Variants in CHD2 observed in about 807,000 individuals in gnomAD.
CHD2 encodes ATP-dependent chromatin remodeler CHD2.
Under a neutral mutation model 243.9 loss-of-function variants are expected in CHD2, and 28 were observed. The ratio of observed to expected loss-of-function variants is 0.11; its 90% CI spans 0.09 to 0.16. The LOEUF (loss-of-function observed/expected upper bound fraction) is 0.16. Ranked by LOEUF, CHD2 falls within the 10% of genes least tolerant of loss-of-function variation. The probability of loss-of-function intolerance (pLI) is 1.00; values close to 1 mark genes in which losing one functional copy is unlikely to be tolerated. For missense variants in CHD2, 1,386 were observed against 2,209.8 expected, an observed-to-expected ratio of 0.63 and a Z score of 7.47; for synonymous variants, 775 against 779.0, an observed-to-expected ratio of 0.99 and a Z score of 0.09.
chr15:92,923,657 C>G (rs1424893856), intron 2 of CHD2, among the ~76,000 whole-genome samples: 1 of 151,380 alleles, frequency 6.6e-6, no homozygotes, highest in Non-Finnish European at 1.5e-5. Flanking sequence ...CCTTTGCCTC[C>G]CAGGTTCAAG....
At chr15:92,900,965 G>A in intron 1 of CHD2, 141 bp downstream of exon 1, 1 of 461,238 alleles carries the variant, frequency 2.2e-6, no homozygotes, top group Non-Finnish European at 3.8e-6. Flanking sequence ...CTTTGAGAAA[G>A]TTTCCTTATT....
chr15:92,974,925 A>G lies in CHD2; in HGVS notation c.2552A>G (p.Asp851Gly), dbSNP rs1432796326. The change falls in exon 20 of 39, where the codon GAC (aspartate) becomes GGC (glycine). Residue 851 changes from aspartate (D) to glycine (G), a missense_variant. Physicochemically the swap from Asp to Gly is moderately conservative, Grantham distance 94 (BLOSUM62 -1). Around this residue, in one of 19 missense-constraint regions of CHD2, gnomAD observed 118 missense variants for 266.3 expected, o/e 0.44. Coordinates refer to ENST00000394196, the MANE Select transcript of CHD2 (RefSeq NM_001271.4). ...GGAGAAATCCGAAAACAGGCACTGG[A>G]CCACTTCAATGCAGATGGGTCTGAG... The part of the protein sequence containing the change: ...IKGEIRKQAL[D>G]HFNADGSEDF... The G allele has an allele frequency of 1.2e-6, 2 of 1,613,776 alleles. No homozygotes were observed. The highest frequency in any genetic ancestry group is 1.7e-6 in the Non-Finnish European group (2 of 1,179,706).
chr15:92,908,067 T>C (rs923111221), intron 2 of CHD2, among the ~76,000 whole-genome samples: 2 of 147,794 alleles, frequency 1.4e-5, no homozygotes, highest in African/African-American at 5.0e-5. Flanking sequence ...TGACTCTTCC[T>C]GGACTACAAC....
intron 16 of CHD2, among the ~76,000 whole-genome samples, chr15:92,963,259 T>G (rs1488066648): frequency 6.6e-6 from 1 of 152,232 alleles, no homozygotes; most frequent in African/African-American, 2.4e-5. Context: ...TTCCACTTTC[T>G]CCTTTATTGC....
chr15:93,024,445 C>G lies in CHD2; in HGVS notation c.5227C>G (p.Arg1743Gly). 2.5e-6 allele frequency: 4 copies of G among 1,614,198 alleles called. No homozygotes were observed. The highest frequency in any genetic ancestry group is 2.5e-6 in the Non-Finnish European group (3 of 1,180,038). Reference protein sequence around the residue: ...PQNYHQQDFRRMSDHRPAMGY... With the variant: ...PQNYHQQDFRGMSDHRPAMGY... ...AAATTACCACCAGCAGGATTTCCGA[C>G]GAATGTCTGATCACCGCCCCGCTAT... Residue 1743 changes from arginine to glycine, a missense_variant, in exon 39 of 39, where the codon CGA becomes GGA. By Grantham distance (125) the Arg-to-Gly change is moderately radical (BLOSUM62 -2). This residue lies in a region of CHD2 where 347 missense variants were observed against 341.6 expected (regional missense o/e 1.02). Coordinates refer to ENST00000394196, the MANE Select transcript of CHD2 (RefSeq NM_001271.4).
intron 7 of CHD2, among the ~76,000 whole-genome samples, chr15:92,940,944 TATAAATATAA>T (rs2141782237): frequency 7.7e-6 from 1 of 130,042 alleles, no homozygotes; most frequent in Non-Finnish European, 1.6e-5. Flanking sequence ...ATAAAATATA[TATAAATATAA>T]ATATATATAA....
chr15:92,984,042 A>G (rs1374013953), intron 24 of CHD2, among the ~76,000 whole-genome samples: 3 of 152,192 alleles, frequency 2.0e-5, no homozygotes, highest in African/African-American at 7.2e-5. Flanking sequence ...GAACATGTAT[A>G]TGATTTATAA....
chr15:92,974,663 C>G, intron 19 of CHD2: 1 of 456,928 alleles, frequency 2.2e-6, no homozygotes, highest in Non-Finnish European at 4.0e-6. Flanking sequence ...CCCTTTGAAT[C>G]AGAAGCTTGT....
chr15:92,942,757 G>A, intron 8 of CHD2, 86 bp from the exon 9 acceptor site: 2 of 1,002,786 alleles, frequency 2.0e-6, no homozygotes, highest in Non-Finnish European at 2.8e-6. Context: ...TCCACAAAGG[G>A]AGTCTTCAGA....
At chr15:92,902,904 G>A (rs572337692) in intron 2 of CHD2, 14 of 152,264 alleles carry the variant, frequency 9.2e-5, no homozygotes, top group African/African-American at 3.4e-4. Flanking sequence ...CTAAAAAATT[G>A]AGCAGTGTTG....
intron 9 of CHD2, chr15:92,944,021 T>C (rs1234829661): frequency 6.6e-6 from 1 of 152,562 alleles, no homozygotes; most frequent in Non-Finnish European, 1.5e-5. Flanking sequence ...TAACTAGTTT[T>C]CCAAGTCATG....
At position 92,904,098 on chromosome 15, in the gene CHD2, C is replaced by T. The variant is rs1221497462; in HGVS notation, c.62+2799C>T. ...TATTTCCTTCCCCCTCTCTGCTCTTCTGGGGAACTCTGGTGCCGACATAAA... is the reference window on the plus strand; with the variant it reads ...TATTTCCTTCCCCCTCTCTGCTCTTTTGGGGAACTCTGGTGCCGACATAAA... On this transcript the variant is annotated intron_variant, in intron 2 of 38. Transcript: ENST00000394196. Among the ~76,000 whole-genome samples, 4 of 152,344 alleles carry T rather than the reference C, an allele frequency of 2.6e-5. No individual in the cohort carries two copies. The East Asian group carries it at 7.7e-4, about 29-fold the overall frequency.
intron 22 of CHD2, among the ~76,000 whole-genome samples, chr15:92,979,790 C>T (rs564514712): frequency 4.5e-4 from 68 of 151,938 alleles, no homozygotes; most frequent in South Asian, 1.5e-3. Flanking sequence ...TGGTGGCAGG[C>T]GCCTGTAGTC....
At chr15:92,908,509 G>C (rs771158694) in intron 2 of CHD2, among the ~76,000 whole-genome samples, 5 of 152,086 alleles carry the variant, frequency 3.3e-5, no homozygotes, top group Non-Finnish European at 7.4e-5. Flanking sequence ...AAAAATACCA[G>C]TGTCCATCCC....
chr15:92,982,921 T>C (rs1023722689), intron 24 of CHD2, among the ~76,000 whole-genome samples: 7 of 152,160 alleles, frequency 4.6e-5, no homozygotes, highest in African/African-American at 1.7e-4. Flanking sequence ...GGGTGGTTTA[T>C]AAACAATAGA....
chr15:92,904,921 A>G (rs1383991807), intron 2 of CHD2: 17 of 1,536,056 alleles, frequency 1.1e-5, no homozygotes, highest in Non-Finnish European at 1.5e-5. Context: ...GCTCATAAAC[A>G]AAGGGAAGAT....
chr15:93,022,906 C>G (rs1358384146), intron 38 of CHD2, among the ~76,000 whole-genome samples: 1 of 152,234 alleles, frequency 6.6e-6, no homozygotes, highest in African/African-American at 2.4e-5. Context: ...TTGAAAACCA[C>G]TGTTCTATGC....
chr15:92,933,612 TTTTG>T (rs767543095), intron 5 of CHD2, among the ~76,000 whole-genome samples: 14 of 152,234 alleles, frequency 9.2e-5, no homozygotes, highest in Non-Finnish European at 1.5e-4. Flanking sequence ...TTTGTTTTGT[TTTTG>T]TTTTTGAGAC....
At chr15:93,013,252 T>G (rs2054414940) in intron 36 of CHD2, among the ~76,000 whole-genome samples, 1 of 152,144 alleles carries the variant, frequency 6.6e-6, no homozygotes, top group Non-Finnish European at 1.5e-5. Flanking sequence ...AGCAGTAACA[T>G]ACAGGAATCA....
Sources: allele counts gnomAD v4.1 joint callset (sites outside exome capture counted in the v4.1 genomes callset), GRCh38; gene constraint gnomAD v4.1.1; regional missense constraint gnomAD v4.1.1; transcripts MANE v1.5; gene names NCBI Gene and HGNC (gene_info 2026-07-23, HGNC 2026-07-21).